ELP1: variants seen among roughly 807,000 people sequenced by gnomAD.
ELP1 encodes the protein elongator acetyltransferase complex subunit 1.
A neutral mutation model predicts 183.2 loss-of-function variants in ELP1; 131 were observed. That is an observed-to-expected ratio of 0.72 (90% CI 0.62 to 0.83). ELP1 has a LOEUF of 0.83. ELP1 is among the 40% of genes least tolerant of loss of function. The pLI is 0.00. For synonymous variants in ELP1, 555 were observed against 569.0 expected (o/e 0.98, Z 0.35); for missense variants, 1,550 against 1,594.9 (o/e 0.97, Z 0.48).
intron 1 of ELP1, among the ~76,000 whole-genome samples, chr9:108,931,414 T>G (rs1830000434): frequency 6.6e-6 from 1 of 152,212 alleles, no homozygotes; most frequent in South Asian, 2.1e-4. Context: ...GAAACCTATT[T>G]TATGTTCTTT....
chr9:108,922,736 A>G, intron 6 of ELP1, 106 bp downstream of exon 6: 2 of 822,404 alleles, frequency 2.4e-6, no homozygotes, highest in South Asian at 1.3e-5. Flanking sequence ...AAAGCAGAAG[A>G]GAACTGTTCA....
chr9:108,911,769 C>T (rs1829231955), intron 11 of ELP1, among the ~76,000 whole-genome samples: 1 of 148,924 alleles, frequency 6.7e-6, no homozygotes, highest in Non-Finnish European at 1.5e-5. Context: ...CCTAAAAAAA[C>T]CTTCTACCTC....
At chr9:108,920,924 T>C (rs1362767269) in intron 6 of ELP1, among the ~76,000 whole-genome samples, 1 of 152,112 alleles carries the variant, frequency 6.6e-6, no homozygotes, top group Non-Finnish European at 1.5e-5. Context: ...ACTAGATAAG[T>C]CTTACTCTAG....
chr9:108,922,681 C>G (rs1404981511), intron 6 of ELP1, among the ~76,000 whole-genome samples, 161 bp downstream of exon 6: 1 of 152,168 alleles, frequency 6.6e-6, no homozygotes, highest in Non-Finnish European at 1.5e-5. Context: ...AAAAAAGGAT[C>G]TTTCTAGAGG....
chr9:108,869,168 T>C lies in ELP1; in HGVS notation c.3946A>G (p.Ile1316Val), dbSNP rs746404029. ...SVPVLDAELFIPPKINRRTQW... is the reference protein window; with the variant it reads ...SVPVLDAELFVPPKINRRTQW... Reference sequence around the variant, plus strand: ...GTTCTTCTGTTGATCTTTGGTGGTATAAAAAGCTCAGCATCTAAAAGCAAG... The same window carrying C: ...GTTCTTCTGTTGATCTTTGGTGGTACAAAAAGCTCAGCATCTAAAAGCAAG... The change falls in exon 37 of 37, where the codon ATA becomes GTA. Residue 1316 changes from isoleucine to valine, a missense_variant. By Grantham distance (29) the Ile-to-Val change is conservative. Transcript: ENST00000374647. 1.2e-6 allele frequency: 2 copies of C among 1,613,954 alleles called. No individual in the cohort carries two copies. The highest frequency in any genetic ancestry group is 2.7e-5 in the African/African-American group (2 of 74,900).
Position 108,889,406 on chromosome 9 carries a change from T to C in ELP1, c.3161-13A>G. The C allele has an allele frequency of 1.2e-6, 2 of 1,613,374 alleles. No homozygotes were observed. Among genetic ancestry groups the C allele is most frequent in the Non-Finnish European group, 1.7e-6 (2 of 1,179,330 alleles). ...TCAACCAGCTTTCCTGTAGAGACAA[T>C]AAGCAGCAGTTGACTACAAAGTTAA... On this transcript the variant is annotated splice_polypyrimidine_tract_variant and intron_variant, in intron 28 of 36. Coordinates refer to ENST00000374647, the MANE Select transcript of ELP1 (RefSeq NM_003640.5).
chr9:108,921,689 A>G (rs1829652633), intron 6 of ELP1, among the ~76,000 whole-genome samples: 1 of 152,188 alleles, frequency 6.6e-6, no homozygotes, highest in Non-Finnish European at 1.5e-5. Flanking sequence ...GTTGTGTCTC[A>G]GAGTACTTAC....
intron 29 of ELP1, among the ~76,000 whole-genome samples, chr9:108,888,202 G>A (rs1379123386): frequency 6.6e-6 from 1 of 152,212 alleles, no homozygotes; most frequent in African/African-American, 2.4e-5. Context: ...TCTAGATAAT[G>A]TGAAACTTTA....
At chr9:108,889,235 T>C in intron 29 of ELP1, 97 bp downstream of exon 29, 1 of 1,138,772 alleles carries the variant, frequency 8.8e-7, no homozygotes, top group South Asian at 1.2e-5. Context: ...GACTTAACAA[T>C]TATGCACAGT....
intron 6 of ELP1, among the ~76,000 whole-genome samples, chr9:108,921,564 A>G (rs989987629): frequency 6.0e-5 from 9 of 150,482 alleles, no homozygotes; most frequent in African/African-American, 2.2e-4. Context: ...TGTTTAGTCA[A>G]GGATACCTTT....
chr9:108,869,198 G>T lies in ELP1; in HGVS notation c.3932-16C>A, dbSNP rs1240132089. 6.2e-7 allele frequency: 1 copy of T among 1,612,236 alleles called. No individual in the cohort carries two copies. The highest frequency in any genetic ancestry group is 8.5e-7 in the Non-Finnish European group (1 of 1,178,348). On this transcript the variant is annotated splice_polypyrimidine_tract_variant and intron_variant, in intron 36 of 36. Coordinates refer to ENST00000374647, the MANE Select transcript of ELP1 (RefSeq NM_003640.5). ...AGCTCAGCATCTAAAAGCAAGAAAG[G>T]AAGGGAAATTGTGACAGACATACTC...
rs1829265811 is a variant in ELP1, at chr9:108,912,463, C to T, written c.990G>A (p.Trp330Ter). The T allele has an allele frequency of 6.2e-7, 1 of 1,613,910 alleles. No individual in the cohort carries two copies. The highest frequency in any genetic ancestry group is 1.3e-5 in the African/African-American group (1 of 74,986). ...VQLWTVGNYH[W>*]YLKQSLSFST... ...TGAAGGATAAACTTTGCTTGAGATA[C>T]CAGTGATAGTTTCCAACAGTCCAGA... Residue 330 changes from tryptophan (W) to a stop codon, truncating the protein, a stop_gained, in exon 11 of 37, where the codon TGG becomes TGA. Transcript: ENST00000374647. LOFTEE classifies it high-confidence loss of function.
chr9:108,900,688 TGAAA>T (rs1185183587), intron 18 of ELP1, among the ~76,000 whole-genome samples: 1 of 152,108 alleles, frequency 6.6e-6, no homozygotes, highest in Non-Finnish European at 1.5e-5. Flanking sequence ...ATCATATCAA[TGAAA>T]GAAAGATTCC....
intron 33 of ELP1, 113 bp from the exon 34 acceptor site, chr9:108,878,863 C>G: frequency 9.1e-7 from 1 of 1,094,888 alleles, no homozygotes; most frequent in Non-Finnish European, 1.4e-6. Context: ...CACAACTTCA[C>G]AGATCTCCAT....
chr9:108,911,887 C>T (rs1195816005), intron 11 of ELP1, among the ~76,000 whole-genome samples: 4 of 152,096 alleles, frequency 2.6e-5, no homozygotes, highest in African/African-American at 9.7e-5. Context: ...AACAAAGCAA[C>T]ACAAGTGGGG....
At chr9:108,908,131 C>A (rs1829085899) in intron 13 of ELP1, among the ~76,000 whole-genome samples, 174 bp downstream of exon 13, 2 of 152,190 alleles carry the variant, frequency 1.3e-5, no homozygotes, top group Admixed American at 1.3e-4. Flanking sequence ...ATATGGCATT[C>A]AGACAAACTA....
intron 24 of ELP1, 147 bp downstream of exon 24, chr9:108,896,806 G>GA: frequency 1.9e-6 from 2 of 1,038,894 alleles, no homozygotes; most frequent in East Asian, 2.5e-5. Context: ...GGGCAGCACT[G>GA]AAAAAAACTG....
chr9:108,884,693 T>C (rs1587878034), intron 29 of ELP1, among the ~76,000 whole-genome samples: 1 of 152,268 alleles, frequency 6.6e-6, no homozygotes, highest in East Asian at 1.9e-4. Context: ...CATTTCAAAA[T>C]TTGTATAACA....
intron 22 of ELP1, among the ~76,000 whole-genome samples, chr9:108,897,927 C>CA (rs575592045): frequency 6.6e-6 from 1 of 152,110 alleles, no homozygotes; most frequent in Non-Finnish European, 1.5e-5. Flanking sequence ...AAAAACACAA[C>CA]AAAACCAACC....
Sources: allele counts gnomAD v4.1 joint callset (sites outside exome capture counted in the v4.1 genomes callset), GRCh38; gene constraint gnomAD v4.1.1; transcripts MANE v1.5; gene names NCBI Gene and HGNC (gene_info 2026-07-23, HGNC 2026-07-21).